The following FNDC3A variants were observed in gnomAD, a reference collection of about 807,000 sequenced individuals.
FNDC3A encodes fibronectin type-III domain-containing protein 3A.
Under a neutral mutation model 148.9 loss-of-function variants are expected in FNDC3A, and 32 were observed. That is an observed-to-expected ratio of 0.21 (90% CI 0.16 to 0.29). FNDC3A has a LOEUF of 0.29. FNDC3A is among the 10% of genes least tolerant of loss of function. The probability of loss-of-function intolerance (pLI) is 1.00; values close to 1 mark genes in which losing one functional copy is unlikely to be tolerated. For synonymous variants in FNDC3A, 472 were observed against 473.6 expected (o/e 1.00, Z 0.04); for missense variants, 1,191 against 1,452.8 (o/e 0.82, Z 2.93).
At chr13:49,052,983 G>A (rs1245639376) in intron 2 of FNDC3A, among the ~76,000 whole-genome samples, 1 of 152,020 alleles carries the variant, frequency 6.6e-6, no homozygotes, top group Non-Finnish European at 1.5e-5. Flanking sequence ...AGTCATACAG[G>A]TCACCAGGGA....
intron 8 of FNDC3A, chr13:49,146,775 TAGAA>T (rs1441009359): frequency 5.3e-5 from 8 of 152,144 alleles, no homozygotes; most frequent in African/African-American, 1.9e-4. Flanking sequence ...CACGAAGCCT[TAGAA>T]AGATTCAGTA....
rs564924234 is a variant in FNDC3A, at chr13:49,203,864, G to A, written c.3282+580G>A. Among the ~76,000 whole-genome samples the A allele has an allele frequency of 1.3e-4, 20 of 152,206 alleles. No individual in the cohort carries two copies. In the South Asian group the frequency reaches 3.7e-3, roughly 28 times the overall value. ...AGCAAAGGGAAGAGTTGATAAGGTC[G>A]GATAGTTAATCCTAAGGGGCCTATA... On this transcript the variant is annotated intron_variant, in intron 25 of 25. Coordinates refer to ENST00000492622, the MANE Select transcript of FNDC3A (RefSeq NM_001079673.2).
chr13:49,059,278 T>C (rs1876481459), intron 2 of FNDC3A, among the ~76,000 whole-genome samples: 2 of 152,146 alleles, frequency 1.3e-5, no homozygotes, highest in African/African-American at 4.8e-5. Context: ...GAAGACAACA[T>C]AGGGGTAAAT....
intron 1 of FNDC3A, among the ~76,000 whole-genome samples, chr13:48,995,835 A>G (rs1952013864): frequency 6.6e-6 from 1 of 152,188 alleles, no homozygotes; most frequent in African/African-American, 2.4e-5. Flanking sequence ...ATAAGAAATG[A>G]TAGGATAGTT....
At chr13:49,071,032 G>A (rs1432439352) in intron 2 of FNDC3A, among the ~76,000 whole-genome samples, 1 of 147,720 alleles carries the variant, frequency 6.8e-6, no homozygotes, top group Non-Finnish European at 1.5e-5. Flanking sequence ...CCAAGTAGCT[G>A]GAACTACAGG....
chr13:49,026,635 C>G (rs1380342224), intron 2 of FNDC3A, among the ~76,000 whole-genome samples: 1 of 152,070 alleles, frequency 6.6e-6, no homozygotes, highest in Admixed American at 6.5e-5. Flanking sequence ...TCCTGAGTAG[C>G]TAGAACTACA....
At chr13:49,011,302 C>A (rs1246953842) in intron 2 of FNDC3A, among the ~76,000 whole-genome samples, 1 of 151,794 alleles carries the variant, frequency 6.6e-6, no homozygotes, top group African/African-American at 2.4e-5. Context: ...GGCGTGATCT[C>A]GGCTCACTGC....
chr13:49,207,159 A>G lies in FNDC3A; in HGVS notation c.3361A>G (p.Ile1121Val), dbSNP rs1289639336. 3 of 1,614,132 alleles carry G rather than the reference A, an allele frequency of 1.9e-6. No homozygotes were observed. Among genetic ancestry groups the G allele is most frequent in the Admixed American group, 1.7e-5 (1 of 60,022 alleles). Residue 1121 changes from isoleucine to valine, a missense_variant, in exon 26 of 26, where the codon ATT becomes GTT. Physicochemically the swap from Ile to Val is conservative, Grantham distance 29. Transcript: ENST00000492622. ...NCEYRFRVCA[I>V]RQCQDSLGHQ... ...TGAATATCGCTTCCGTGTATGTGCC[A>G]TTCGCCAGTGCCAAGACTCTCTGGG...
intron 3 of FNDC3A, among the ~76,000 whole-genome samples, chr13:49,089,048 G>A (rs1242630278): frequency 6.6e-6 from 1 of 152,194 alleles, no homozygotes; most frequent in Non-Finnish European, 1.5e-5. Context: ...GAAGAGTGGA[G>A]AGTTAGTATT....
chr13:49,083,248 G>A (rs1400244880), intron 3 of FNDC3A, among the ~76,000 whole-genome samples: 2 of 152,090 alleles, frequency 1.3e-5, no homozygotes, highest in Non-Finnish European at 2.9e-5. Context: ...TCACACCAAG[G>A]AGACTCCTCA....
chr13:49,003,753 T>C (rs1041203398), intron 1 of FNDC3A, among the ~76,000 whole-genome samples: 1 of 152,178 alleles, frequency 6.6e-6, no homozygotes, highest in African/African-American at 2.4e-5. Context: ...ATTAAAATAT[T>C]AGACCTACCA....
chr13:49,158,104 G>T (rs1295112145), intron 8 of FNDC3A, among the ~76,000 whole-genome samples: 1 of 152,232 alleles, frequency 6.6e-6, no homozygotes, highest in Non-Finnish European at 1.5e-5. Flanking sequence ...GCAATGGCGG[G>T]CGCCCCTCCC....
intron 2 of FNDC3A, among the ~76,000 whole-genome samples, chr13:49,035,230 T>G (rs575112481): frequency 1.3e-5 from 2 of 152,094 alleles, no homozygotes; most frequent in African/African-American, 4.8e-5. Flanking sequence ...AATGACACTT[T>G]TTAGTAGGAT....
At chr13:49,063,739 GTC>G (rs1566226207) in intron 2 of FNDC3A, among the ~76,000 whole-genome samples, 2 of 152,076 alleles carry the variant, frequency 1.3e-5, no homozygotes, top group African/African-American at 4.8e-5. Context: ...CCATACTCAC[GTC>G]TCTCTGGGCC....
intron 1 of FNDC3A, among the ~76,000 whole-genome samples, chr13:48,990,260 T>C (rs1370214206): frequency 6.6e-6 from 1 of 151,974 alleles, no homozygotes; most frequent in Non-Finnish European, 1.5e-5. Flanking sequence ...AAAGCTGAAA[T>C]AATTTATCAC....
chr13:49,097,084 A>G (rs545280701), intron 3 of FNDC3A, among the ~76,000 whole-genome samples: 2 of 152,158 alleles, frequency 1.3e-5, no homozygotes, highest in Non-Finnish European at 2.9e-5. Context: ...GTACCGTTAT[A>G]TGCCACGCTA....
intron 8 of FNDC3A, among the ~76,000 whole-genome samples, chr13:49,160,714 G>A (rs994498406): frequency 1.1e-4 from 17 of 151,676 alleles, no homozygotes; most frequent in East Asian, 3.9e-4. Context: ...GTGATGTTAC[G>A]GTGTCGATTT....
intron 1 of FNDC3A, among the ~76,000 whole-genome samples, chr13:48,996,839 A>C (rs527733860): frequency 1.3e-5 from 2 of 152,252 alleles, no homozygotes; most frequent in Admixed American, 1.3e-4. Context: ...TGGTGGGTGG[A>C]TCATTTGAGG....
At chr13:48,984,794 C>T (rs931395830) in intron 1 of FNDC3A, among the ~76,000 whole-genome samples, 1 of 152,130 alleles carries the variant, frequency 6.6e-6, no homozygotes, top group Non-Finnish European at 1.5e-5. Flanking sequence ...AAGCGATTCT[C>T]CTGCCTCAGC....
Sources: gnomAD v4.1 joint callset for allele counts (sites outside exome capture counted in the v4.1 genomes callset) on GRCh38, gnomAD v4.1.1 for gene constraint, MANE v1.5 for transcripts, NCBI Gene and HGNC (gene_info 2026-07-23, HGNC 2026-07-21) for gene names.